IL23R: variants seen among roughly 807,000 people sequenced by gnomAD.
The protein encoded by IL23R is interleukin-23 receptor.
In IL23R, 34 loss-of-function variants were observed where a neutral mutation model predicts 56.9. That is an observed-to-expected ratio of 0.60 (90% CI 0.45 to 0.80). IL23R has a LOEUF of 0.80. Among genes scored for constraint, IL23R ranks in the 30% least tolerant of loss-of-function variants. The pLI is 0.00. For synonymous variants in IL23R, 230 were observed against 249.2 expected, an observed-to-expected ratio of 0.92 and a Z score of 0.73; for missense variants, 635 against 730.0, an observed-to-expected ratio of 0.87 and a Z score of 1.50.
upstream of IL23R, among the ~76,000 whole-genome samples, chr1:67,164,258 G>A (rs149932321): frequency 2.5e-4 from 38 of 152,186 alleles, no homozygotes; most frequent in Non-Finnish European, 5.0e-4. Context: ...CACTTTGGGA[G>A]GCTGAGATGG....
intron 9 of IL23R, among the ~76,000 whole-genome samples, chr1:67,247,885 CT>C (rs1002925118): frequency 4.6e-5 from 7 of 152,130 alleles, no homozygotes; most frequent in African/African-American, 1.7e-4. Context: ...CTTAGTTTGG[CT>C]GGATATGAAA....
intron 8 of IL23R, among the ~76,000 whole-genome samples, chr1:67,239,162 G>A (rs1323564648): frequency 6.6e-6 from 1 of 152,198 alleles, no homozygotes; most frequent in Non-Finnish European, 1.5e-5. Flanking sequence ...AAAGCATGAT[G>A]AGCCTGGTGG....
chr1:67,216,248 C>A (rs1053907869), intron 6 of IL23R, among the ~76,000 whole-genome samples: 3 of 152,190 alleles, frequency 2.0e-5, no homozygotes, highest in African/African-American at 7.2e-5. Flanking sequence ...TCATGGAAGG[C>A]AGAGATGTGC....
chr1:67,261,681 A>C (rs1653208820), downstream of IL23R, among the ~76,000 whole-genome samples: 1 of 152,192 alleles, frequency 6.6e-6, no homozygotes, highest in African/African-American at 2.4e-5. Flanking sequence ...GAAATAACAA[A>C]AGACTAAGAT....
chr1:67,248,416 A>G (rs1482383511), intron 9 of IL23R, among the ~76,000 whole-genome samples: 1 of 152,022 alleles, frequency 6.6e-6, no homozygotes, highest in Non-Finnish European at 1.5e-5. Flanking sequence ...AGCTATTGAT[A>G]CTTGTGTATG....
rs574370029 is a variant in IL23R at position 67,147,192 on chromosome 1, A to G, written c.-634+8031A>G. ...ATGAGAGGTGGATGTTGCAAGCAAG[A>G]GTGAGTGCTGGTTCTGTCAAGTCTG... is the stretch of plus-strand genomic sequence containing the variant. On this transcript the variant is annotated intron_variant, in intron 1 of 10. Transcript: ENST00000637002. 2.6e-4 allele frequency among the ~76,000 whole-genome samples: 39 copies of G among 152,252 alleles called. 1 individual carries two copies. The highest frequency in any genetic ancestry group is 3.4e-3 in the Middle Eastern group (1 of 294).
chr1:67,163,496 A>AAAAAAAG (rs1558221020), upstream of IL23R, among the ~76,000 whole-genome samples: 2 of 142,822 alleles, frequency 1.4e-5, no homozygotes, highest in African/African-American at 5.3e-5. Context: ...AAAAAAAAAA[A>AAAAAAAG]AAGACAGAAA....
At chr1:67,254,720 C>A (rs1652844690) in intron 9 of IL23R, among the ~76,000 whole-genome samples, 1 of 152,162 alleles carries the variant, frequency 6.6e-6, no homozygotes, top group South Asian at 2.1e-4. Flanking sequence ...CTAACAGGAT[C>A]CATTGTTAAT....
At chr1:67,187,089 A>G (rs532539561) in intron 4 of IL23R, among the ~76,000 whole-genome samples, 220 of 152,144 alleles carry the variant, frequency 1.4e-3, no homozygotes, top group African/African-American at 4.7e-3. Flanking sequence ...TCTCTTGGGC[A>G]TATATTTAGG....
chr1:67,207,500 C>T, intron 6 of IL23R: 2 of 314,912 alleles, frequency 6.4e-6, no homozygotes, highest in South Asian at 5.6e-5. Flanking sequence ...GTGGGAGGGA[C>T]CCAGGGGGAG....
At chr1:67,143,887 A>G (rs949249957) in intron 1 of IL23R, among the ~76,000 whole-genome samples, 10 of 152,214 alleles carry the variant, frequency 6.6e-5, no homozygotes, top group Non-Finnish European at 1.2e-4. Context: ...CAGCTTGAAT[A>G]GAATAAAATG....
intron 8 of IL23R, among the ~76,000 whole-genome samples, chr1:67,239,784 T>TA (rs544137378): frequency 3.3e-5 from 5 of 151,942 alleles, no homozygotes; most frequent in South Asian, 4.2e-4. Context: ...CACAAAAAGT[T>TA]AAAAAAAATC....
chr1:67,164,729 C>G (rs72927021), upstream of IL23R, among the ~76,000 whole-genome samples: 2,533 of 152,232 alleles, frequency 0.017, 65 homozygotes, highest in African/African-American at 0.058. Flanking sequence ...GGCTCTTCAT[C>G]TTCAATCAAT....
At chr1:67,168,250 T>A in intron 2 of IL23R, 60 bp downstream of exon 2, 1 of 1,181,244 alleles carries the variant, frequency 8.5e-7, no homozygotes, top group Non-Finnish European at 1.3e-6. Context: ...ATTGAGTGAT[T>A]ATCATTTTCA....
chr1:67,254,613 G>A (rs901509939), intron 9 of IL23R, among the ~76,000 whole-genome samples: 4 of 152,058 alleles, frequency 2.6e-5, no homozygotes, highest in African/African-American at 9.7e-5. Context: ...TAAAGTCCAA[G>A]GTCAAATTGG....
upstream of IL23R, among the ~76,000 whole-genome samples, chr1:67,161,928 A>C (rs548105338): frequency 3.9e-5 from 6 of 152,146 alleles, no homozygotes; most frequent in East Asian, 7.7e-4. Context: ...TCCAGGCCCA[A>C]AATATTTTTA....
intron 8 of IL23R, 111 bp from the exon 9 acceptor site, chr1:67,240,068 C>T (rs762033026): frequency 6.1e-6 from 5 of 814,950 alleles, no homozygotes; most frequent in Non-Finnish European, 1.0e-5. Context: ...TGCTTCCCCC[C>T]ACCCTTTCTC....
At chr1:67,197,725 A>T (rs1648269269) in intron 4 of IL23R, among the ~76,000 whole-genome samples, 1 of 152,182 alleles carries the variant, frequency 6.6e-6, no homozygotes, top group Non-Finnish European at 1.5e-5. Context: ...CAAGAGGATC[A>T]CTTGAGCTCA....
At chr1:67,159,713 G>A (rs989813491) in intron 1 of IL23R, among the ~76,000 whole-genome samples, 2 of 152,190 alleles carry the variant, frequency 1.3e-5, no homozygotes, top group African/African-American at 2.4e-5. Context: ...TGCTATGATA[G>A]TGTCTGTGAT....
Sources: gnomAD v4.1 joint callset for allele counts (sites outside exome capture counted in the v4.1 genomes callset) on GRCh38, gnomAD v4.1.1 for gene constraint, MANE v1.5 for transcripts, NCBI Gene and HGNC (gene_info 2026-07-23, HGNC 2026-07-21) for gene names.